Variants in GPHN observed in about 807,000 individuals in gnomAD.
GPHN encodes the protein gephyrin.
Under a neutral mutation model 95.5 loss-of-function variants are expected in GPHN, and 17 were observed. The observed-to-expected ratio is 0.18, with a 90% CI of 0.12 to 0.27. The LOEUF is 0.27. GPHN is among the 10% of genes least tolerant of loss of function. GPHN has a pLI of 1.00. For missense variants in GPHN, 660 were observed against 978.1 expected (o/e 0.67, Z 4.34); for synonymous variants, 320 against 322.5 (o/e 0.99, Z 0.08).
At chr14:66,960,011 C>A (rs2068789841) in intron 8 of GPHN, among the ~76,000 whole-genome samples, 1 of 151,908 alleles carries the variant, frequency 6.6e-6, no homozygotes, top group East Asian at 1.9e-4. Flanking sequence ...CTCACATCTG[C>A]TGTTGAGTCC....
chr14:67,521,289 A>T, the GPHN span, among the ~76,000 whole-genome samples: 61 of 152,362 alleles, frequency 4.0e-4, no homozygotes, highest in African/African-American at 1.4e-3. Context: ...CTCAGGAATG[A>T]GTGCATTGTG....
intron 1 of GPHN, among the ~76,000 whole-genome samples, chr14:66,543,953 T>C (rs2059442137): frequency 6.6e-6 from 1 of 152,210 alleles, no homozygotes; most frequent in Non-Finnish European, 1.5e-5. Flanking sequence ...TTTTACTACT[T>C]TGCTGAGGAC....
the GPHN span, among the ~76,000 whole-genome samples, chr14:67,597,525 C>A: frequency 6.6e-6 from 1 of 151,740 alleles, no homozygotes; most frequent in African/African-American, 2.4e-5. Context: ...GTTTGCTTAT[C>A]TCTGTGCTAG....
At chr14:67,110,510 AT>A (rs2078306647) in intron 14 of GPHN, among the ~76,000 whole-genome samples, 1 of 152,208 alleles carries the variant, frequency 6.6e-6, no homozygotes, top group Admixed American at 6.5e-5. Flanking sequence ...TTTGAATCAT[AT>A]TTGACCCAAG....
intron 4 of GPHN, among the ~76,000 whole-genome samples, chr14:66,865,508 C>G (rs921908902): frequency 5.9e-5 from 9 of 151,866 alleles, no homozygotes; most frequent in Admixed American, 1.3e-4. Context: ...GAAAGAAAAC[C>G]CTGAGAGATC....
At chr14:66,830,974 T>A (rs2061558113) in intron 4 of GPHN, among the ~76,000 whole-genome samples, 1 of 152,230 alleles carries the variant, frequency 6.6e-6, no homozygotes, top group South Asian at 2.1e-4. Context: ...TTATTTTATG[T>A]AGTCATTAGT....
chr14:67,299,375 T>A, the GPHN span, among the ~76,000 whole-genome samples: 1 of 152,204 alleles, frequency 6.6e-6, no homozygotes, highest in South Asian at 2.1e-4. Flanking sequence ...TATCCCTAAG[T>A]ATAATAAAAG....
At chr14:67,429,287 G>A in the GPHN span, among the ~76,000 whole-genome samples, 1 of 150,200 alleles carries the variant, frequency 6.7e-6, no homozygotes, top group African/African-American at 2.4e-5. Context: ...CTGGCGTGCA[G>A]TGGCGTGATC....
chr14:67,199,423 C>T, the GPHN span: 30 of 1,613,330 alleles, frequency 1.9e-5, no homozygotes, highest in Middle Eastern at 1.7e-4. Flanking sequence ...ATACTTTCAG[C>T]GCCTTTGGGG....
chr14:67,198,245 T>C, the GPHN span: 5 of 1,613,926 alleles, frequency 3.1e-6, no homozygotes, highest in East Asian at 6.7e-5. Context: ...ATCCGAGAGA[T>C]CTTCAAAATA....
chr14:67,301,937 T>C, the GPHN span: 1 of 1,573,816 alleles, frequency 6.4e-7, no homozygotes, highest in Non-Finnish European at 8.6e-7. Flanking sequence ...TAAATCATGC[T>C]GTTACTTAAA....
chr14:66,928,883 T>C (rs2066627272), intron 8 of GPHN, among the ~76,000 whole-genome samples: 1 of 152,066 alleles, frequency 6.6e-6, no homozygotes, highest in Non-Finnish European at 1.5e-5. Flanking sequence ...ATAAGATACA[T>C]ATGATTTCAG....
At chr14:67,550,527 A>G in the GPHN span, among the ~76,000 whole-genome samples, 4 of 152,244 alleles carry the variant, frequency 2.6e-5, no homozygotes, top group East Asian at 5.8e-4. Context: ...AGAACAATTT[A>G]ATGGCTAAAA....
At chr14:67,395,628 A>G in the GPHN span, 4 of 1,580,642 alleles carry the variant, frequency 2.5e-6, no homozygotes, top group South Asian at 3.3e-5. Flanking sequence ...AGGCAGAGCA[A>G]GAGGACGCCG....
the GPHN span, among the ~76,000 whole-genome samples, chr14:67,705,451 T>C: frequency 6.6e-6 from 1 of 152,202 alleles, no homozygotes; most frequent in Admixed American, 6.5e-5. Flanking sequence ...AGAAATGCTA[T>C]GTAAGCCATG....
the GPHN span, chr14:67,303,592 A>C: frequency 6.2e-7 from 1 of 1,611,632 alleles, no homozygotes; most frequent in Non-Finnish European, 8.5e-7. Context: ...CCTGCCAAGG[A>C]AACAGTAGTA....
intron 1 of GPHN, among the ~76,000 whole-genome samples, chr14:66,528,147 C>A (rs964640608): frequency 6.6e-6 from 1 of 152,092 alleles, no homozygotes; most frequent in African/African-American, 2.4e-5. Context: ...TCTGGGTGCT[C>A]CAGTATTGGG....
intron 12 of GPHN, among the ~76,000 whole-genome samples, chr14:67,090,770 T>G (rs2077115867): frequency 6.6e-6 from 1 of 152,080 alleles, no homozygotes; most frequent in Non-Finnish European, 1.5e-5. Flanking sequence ...AAAGCTCAAG[T>G]GATCTGGGTT....
chr14:67,296,257 C>T, the GPHN span, among the ~76,000 whole-genome samples: 1 of 152,064 alleles, frequency 6.6e-6, no homozygotes, highest in Admixed American at 6.6e-5. Flanking sequence ...AGAGAGAAAG[C>T]CTGGCAAATT....
Sources: allele counts gnomAD v4.1 joint callset (sites outside exome capture counted in the v4.1 genomes callset), GRCh38; gene constraint gnomAD v4.1.1; transcripts MANE v1.5; gene names NCBI Gene and HGNC (gene_info 2026-07-23, HGNC 2026-07-21).